Variants in PTPN3 observed in about 807,000 individuals in gnomAD.
The protein encoded by PTPN3 is tyrosine-protein phosphatase non-receptor type 3.
PTPN3 carries 96 observed loss-of-function variants against 132.7 expected under a neutral mutation model. The observed-to-expected ratio is 0.72, with a 90% CI of 0.61 to 0.86. The LOEUF is 0.86. Among genes scored for constraint, PTPN3 ranks in the 40% least tolerant of loss-of-function variants. PTPN3 has a pLI of 0.00. For missense variants in PTPN3, 1,125 were observed against 1,159.6 expected, an observed-to-expected ratio of 0.97 and a Z score of 0.43; for synonymous variants, 398 against 429.0, an observed-to-expected ratio of 0.93 and a Z score of 0.89.
intron 1 of PTPN3, among the ~76,000 whole-genome samples, chr9:109,491,828 G>C (rs1158031982): frequency 6.6e-6 from 1 of 152,218 alleles, no homozygotes; most frequent in Non-Finnish European, 1.5e-5. Context: ...AAGGAGCACG[G>C]TGAGGTGAGG....
At chr9:109,428,790 G>A (rs1346278819) in intron 10 of PTPN3, 106 bp from the exon 11 acceptor site, 1 of 1,469,910 alleles carries the variant, frequency 6.8e-7, no homozygotes, top group East Asian at 2.5e-5. Context: ...TGATGAGTGG[G>A]GGCTCTTGGC....
At chr9:109,415,065 TCCGTCCATCCAA>T (rs772696411) in intron 14 of PTPN3, among the ~76,000 whole-genome samples, 3,251 of 121,958 alleles carry the variant, frequency 0.027, 85 homozygotes, top group East Asian at 0.15. Context: ...CGTCCATCCG[TCCGTCCATCCAA>T]CCATCCATCC....
chr9:109,398,651 C>T lies in PTPN3; in HGVS notation c.1953+5797G>A, dbSNP rs113811579. The stretch of plus-strand genomic sequence containing the variant: ...ATTCTCTTGTGGTGTTCCTCATTTT[C>T]GAGCTCTTAACTAACAGTGGGCAAG... On this transcript the variant is annotated intron_variant, in intron 19 of 25. Coordinates refer to ENST00000374541, the MANE Select transcript of PTPN3 (RefSeq NM_002829.4). Among the ~76,000 whole-genome samples, 7 of 152,220 alleles carry T rather than the reference C, an allele frequency of 4.6e-5. 1 individual carries two copies. Among genetic ancestry groups the T allele is most frequent in the African/African-American group, 1.7e-4 (7 of 41,548 alleles).
intron 14 of PTPN3, among the ~76,000 whole-genome samples, chr9:109,413,890 C>T (rs558568597): frequency 1.3e-5 from 2 of 152,298 alleles, no homozygotes; most frequent in African/African-American, 2.4e-5. Flanking sequence ...CCGCACGAAG[C>T]TCTCCCTAAA....
intron 1 of PTPN3, among the ~76,000 whole-genome samples, chr9:109,480,829 C>T (rs1173572827): frequency 6.6e-6 from 1 of 152,202 alleles, no homozygotes; most frequent in Non-Finnish European, 1.5e-5. Flanking sequence ...AATCTCACCA[C>T]TGCCGCACAG....
chr9:109,442,633 A>G (rs1844569367), intron 7 of PTPN3, among the ~76,000 whole-genome samples: 1 of 152,234 alleles, frequency 6.6e-6, no homozygotes, highest in African/African-American at 2.4e-5. Context: ...TTTACTGTTT[A>G]CAACAGGCAA....
In PTPN3 at chr9:109,406,699, A is replaced by C. The variant is rs1588346135; in HGVS notation, c.1636-81T>G. The C allele has an allele frequency of 1.9e-6, 3 of 1,552,970 alleles. No homozygotes were observed. In the East Asian group the frequency reaches 6.8e-5, roughly 35 times the overall value. On this transcript the variant is annotated intron_variant, in intron 17 of 25. Transcript: ENST00000374541. ...AAGAACGCTGACTCGCTCTGCTCCC[A>C]GACACCTGGGACCATGATCAAGTTT...
the PTPN3 span, among the ~76,000 whole-genome samples, chr9:109,517,297 T>C: frequency 3.3e-5 from 5 of 152,254 alleles, no homozygotes; most frequent in African/African-American, 1.2e-4. Context: ...CTCAGTTACA[T>C]TGGATGAATG....
At chr9:109,460,844 G>A (rs1410550589) in intron 2 of PTPN3, among the ~76,000 whole-genome samples, 1 of 152,124 alleles carries the variant, frequency 6.6e-6, no homozygotes, top group East Asian at 1.9e-4. Flanking sequence ...ATTTTGTTCT[G>A]TTTTGTGCAC....
chr9:109,481,051 A>G (rs1306137058), intron 1 of PTPN3, among the ~76,000 whole-genome samples: 1 of 152,220 alleles, frequency 6.6e-6, no homozygotes, highest in African/African-American at 2.4e-5. Flanking sequence ...TAATAGGCTA[A>G]ACATATTAAG....
the PTPN3 span, chr9:109,534,337 G>A: frequency 6.6e-7 from 1 of 1,513,754 alleles, no homozygotes; most frequent in Non-Finnish European, 8.8e-7. Context: ...GCTCAAGGTT[G>A]TGGTGATGGT....
chr9:109,389,350 G>A lies in PTPN3; in HGVS notation c.2136C>T (p.Asn712=). The A allele has an allele frequency of 6.2e-7, 1 of 1,613,732 alleles. No homozygotes were observed. Among genetic ancestry groups the A allele is most frequent in the Non-Finnish European group, 8.5e-7 (1 of 1,179,836 alleles). The change falls in exon 22 of 26, where the codon AAC becomes AAT. Residue 712 remains asparagine (N), a synonymous_variant. Coordinates refer to ENST00000374541, the MANE Select transcript of PTPN3 (RefSeq NM_002829.4). ...NMEIPAANLV[N]KYIATQGPLP... ...GGGGCCCCTGAGTGGCGATGTACTT[G>A]TTCACAAGGTTAGCAGCAGGAATTT...
rs1845188974 is a variant in PTPN3 at position 109,450,705 on chromosome 9, T to C, written c.369-1850A>G. 8.1e-6 allele frequency: 8 copies of C among 985,252 alleles called. No homozygotes were observed. The South Asian group carries it at 2.3e-4, about 29-fold the overall frequency. The allele number at this position is 985,252 out of a possible 1,614,324, so 61.0% of individuals were successfully genotyped here. On this transcript the variant is annotated intron_variant, in intron 5 of 25. Transcript: ENST00000374541. ...TATCAGAAACAGCAGTTGTGGAGGC[T>C]CACAATGAAGAAGATATTTATTTAA... is the stretch of plus-strand genomic sequence containing the variant.
intron 1 of PTPN3, among the ~76,000 whole-genome samples, chr9:109,463,701 G>A (rs899844325): frequency 5.9e-5 from 9 of 152,142 alleles, no homozygotes; most frequent in Admixed American, 3.3e-4. Context: ...CCTGGTCTGA[G>A]TCTTCTAATT....
the PTPN3 span, among the ~76,000 whole-genome samples, chr9:109,511,975 A>G: frequency 6.6e-6 from 1 of 152,302 alleles, no homozygotes; most frequent in African/African-American, 2.4e-5. Flanking sequence ...TTGTAAATAA[A>G]TGAACAAATG....
chr9:109,503,190 A>G (rs990041210), upstream of PTPN3, among the ~76,000 whole-genome samples: 2 of 152,150 alleles, frequency 1.3e-5, no homozygotes, highest in African/African-American at 4.8e-5. Flanking sequence ...GGTGAAGCCC[A>G]CCCTGCCTAC....
intron 14 of PTPN3, among the ~76,000 whole-genome samples, chr9:109,419,787 C>G (rs1016702849): frequency 6.6e-6 from 1 of 151,914 alleles, no homozygotes; most frequent in African/African-American, 2.4e-5. Flanking sequence ...TATTGAATAA[C>G]AAAAGCACTC....
intron 13 of PTPN3, 27 bp downstream of exon 13, chr9:109,422,691 A>AT: frequency 3.4e-6 from 5 of 1,469,022 alleles, no homozygotes; most frequent in South Asian, 2.5e-5. Context: ...GTTGGGTAGT[A>AT]CAAAAAAAAA....
chr9:109,477,672 G>A (rs997714454), intron 1 of PTPN3, among the ~76,000 whole-genome samples: 1 of 152,260 alleles, frequency 6.6e-6, no homozygotes, highest in South Asian at 2.1e-4. Flanking sequence ...GCAGCAGCGG[G>A]AGGGCAGAAA....
Sources: allele counts gnomAD v4.1 joint callset (sites outside exome capture counted in the v4.1 genomes callset), GRCh38; gene constraint gnomAD v4.1.1; transcripts MANE v1.5; gene names NCBI Gene and HGNC (gene_info 2026-07-23, HGNC 2026-07-21).